HMX1: variants seen among roughly 807,000 people sequenced by gnomAD.
HMX1 encodes the protein homeobox protein HMX1.
HMX1 carries 8 observed loss-of-function variants against 8.9 expected under a neutral mutation model. The ratio of observed to expected loss-of-function variants is 0.90; its 90% CI spans 0.53 to 1.63. The LOEUF (loss-of-function observed/expected upper bound fraction) is 1.63. Ranked by LOEUF, HMX1 falls within the 40% of genes most tolerant of loss-of-function variation. The pLI is 0.00. For synonymous variants in HMX1, 311 were observed against 283.4 expected (o/e 1.10, Z -0.98); for missense variants, 621 against 558.5 (o/e 1.11, Z -1.13).
At chr4:8,857,519 G>C (rs999547055) in intron 1 of HMX1, among the ~76,000 whole-genome samples, 16 of 152,162 alleles carry the variant, frequency 1.1e-4, no homozygotes, top group Admixed American at 3.9e-4. Context: ...TTCCGGCCCA[G>C]CTTCTCTCGG....
In HMX1 at chr4:8,871,745, G is replaced by C. The variant is rs906219029; in HGVS notation, c.-131C>G. 4 of 1,007,634 alleles carry C rather than the reference G, an allele frequency of 4.0e-6. No individual in the cohort carries two copies. The highest frequency in any genetic ancestry group is 9.4e-5 in the East Asian group (1 of 10,636). The allele number at this position is 1,007,634 out of a possible 1,614,324, so 62.4% of individuals were successfully genotyped here. A position where few individuals can be genotyped will look rare whatever the true frequency, so the allele number is the denominator to read the frequency against. On this transcript the variant is annotated 5_prime_UTR_variant, in exon 1 of 2. Coordinates refer to ENST00000400677, the MANE Select transcript of HMX1 (RefSeq NM_018942.3). The surrounding 1 kb of genome is among the most constrained non-coding windows in gnomAD (Gnocchi z 4.8). ...CGGACCGCTGGCGTCGGGCCCCGCA[G>C]GGCAGGCGGCGGCCTCCGCGCCGGG...
At position 8,853,801 on chromosome 4, in the gene HMX1, C is replaced by T. The variant is rs890728477; in HGVS notation, c.395-7477G>A. Among the ~76,000 whole-genome samples, 11 of 151,392 alleles carry T rather than the reference C, an allele frequency of 7.3e-5. No homozygotes were observed. The highest frequency in any genetic ancestry group is 4.2e-4 in the South Asian group (2 of 4,760). On this transcript the variant is annotated intron_variant, in intron 1 of 1. Transcript: ENST00000506970. This position sits in a 1 kb window ranked among gnomAD's most constrained non-coding sequence, Gnocchi z 4.7. The stretch of plus-strand genomic sequence containing the variant: ...CCGGGAGGTGGAGGTTGCAGTGAGC[C>T]GAGATCACACCACTGCACTCCAGCC...
Position 8,859,198 on chromosome 4 carries a change from C to T in HMX1, c.394+12023G>A, listed in dbSNP as rs535659532. On this transcript the variant is annotated intron_variant, in intron 1 of 1. Coordinates refer to the HMX1 transcript ENST00000506970. ...GCTCGCTCCAAGGCTGGCCCCCCCCCACGCCTCTTGACAGTGCCACCCCCA... is the reference window on the plus strand; with the variant it reads ...GCTCGCTCCAAGGCTGGCCCCCCCCTACGCCTCTTGACAGTGCCACCCCCA... 16 of 152,258 alleles carry T rather than the reference C, an allele frequency of 1.1e-4. No individual in the cohort carries two copies. The East Asian group carries it at 2.9e-3, about 28-fold the overall frequency. 9.4% of individuals were successfully genotyped at this position (152,258 alleles called of 1,614,324 possible).
downstream of HMX1, chr4:8,866,939 C>A (rs1722017274): frequency 7.7e-6 from 3 of 387,172 alleles, no homozygotes; most frequent in African/African-American, 6.5e-5. Context: ...CTGGCCCAGC[C>A]CTGGGCTCCA....
intron 1 of HMX1, among the ~76,000 whole-genome samples, chr4:8,856,042 T>C (rs184921689): frequency 1.2e-3 from 180 of 152,250 alleles, no homozygotes; most frequent in African/African-American, 4.2e-3. Context: ...AAAAGGCCAC[T>C]AGTATAGAAC....
chr4:8,861,181 C>T (rs1206967569), intron 1 of HMX1, among the ~76,000 whole-genome samples: 1 of 152,182 alleles, frequency 6.6e-6, no homozygotes, highest in Non-Finnish European at 1.5e-5. Context: ...CGCTGCCCTC[C>T]TCTACCTGCT....
Position 8,867,405 on chromosome 4 carries a change from C to CCAGCCG in HMX1, c.*287_*288insCGGCTG, listed in dbSNP as rs1553817255. 1.3e-5 allele frequency: 14 copies of CCAGCCG among 1,076,364 alleles called. No homozygotes were observed. In the African/African-American group the frequency reaches 2.3e-4, roughly 18 times the overall value. The allele number at this position is 1,076,364 out of a possible 1,614,324, so 66.7% of individuals were successfully genotyped here. ...ATGGCCGACCGCTCCTCGCTGAGGCCGGGGGGTGGCCGTGGCGCCGGGGGC... is the reference window on the plus strand; with the variant it reads ...ATGGCCGACCGCTCCTCGCTGAGGCCCAGCCGGGGGGGTGGCCGTGGCGCCGGGGGC... On this transcript the variant is annotated 3_prime_UTR_variant, in exon 2 of 2. Transcript: ENST00000400677.
At chr4:8,851,166 C>T (rs1721437838) in intron 1 of HMX1, among the ~76,000 whole-genome samples, 1 of 152,242 alleles carries the variant, frequency 6.6e-6, no homozygotes, top group African/African-American at 2.4e-5. Context: ...CTGACTCAAG[C>T]CTGAGGGCCC....
exon 2 of HMX1, chr4:8,846,291 C>A: frequency 6.5e-7 from 1 of 1,535,374 alleles, no homozygotes; most frequent in Non-Finnish European, 8.7e-7. Flanking sequence ...CCCCTCTCCA[C>A]ACTGCACAGG....
downstream of HMX1, among the ~76,000 whole-genome samples, chr4:8,863,880 C>G (rs557031637): frequency 6.6e-6 from 1 of 152,362 alleles, no homozygotes; most frequent in South Asian, 2.1e-4. Context: ...TAGTCATTTC[C>G]CGAGGACAGG....
chr4:8,868,460 T>TCCAGCACAGGGCTGGGCAC lies in HMX1; in HGVS notation c.395-134_395-116dup. The TCCAGCACAGGGCTGGGCAC allele has an allele frequency of 2.4e-6, 2 of 826,554 alleles. No homozygotes were observed. The highest frequency in any genetic ancestry group is 3.7e-4 in the Middle Eastern group (1 of 2,726). 51.2% of individuals were successfully genotyped at this position (826,554 alleles called of 1,614,324 possible). A position where few individuals can be genotyped will look rare whatever the true frequency, so the allele number is the denominator to read the frequency against. On this transcript the variant is annotated intron_variant, in intron 1 of 1. Coordinates refer to ENST00000400677, the MANE Select transcript of HMX1 (RefSeq NM_018942.3). The surrounding 1 kb of genome is among the most constrained non-coding windows in gnomAD (Gnocchi z 4.6). ...CTCACAGCCACAAGCAGGAAGACCT[T>TCCAGCACAGGGCTGGGCAC]CCAGCACAGGGCTGGGCACCCAGCA...
chr4:8,859,291 C>T (rs1169545984), intron 1 of HMX1, among the ~76,000 whole-genome samples: 1 of 151,652 alleles, frequency 6.6e-6, no homozygotes, highest in Non-Finnish European at 1.5e-5. Flanking sequence ...TCATCGCAAA[C>T]TCATAATGTC....
exon 2 of HMX1, chr4:8,846,298 C>T: frequency 1.3e-6 from 2 of 1,535,262 alleles, no homozygotes; most frequent in Non-Finnish European, 1.7e-6. Context: ...CCACACTGCA[C>T]AGGCTGAGGT....
intron 1 of HMX1, chr4:8,846,389 C>T: frequency 7.8e-7 from 1 of 1,274,082 alleles, no homozygotes; most frequent in Non-Finnish European, 1.1e-6. Flanking sequence ...TCAGCTAATC[C>T]TGGATGCTCC....
chr4:8,851,710 C>T (rs1721453722), intron 1 of HMX1, among the ~76,000 whole-genome samples: 1 of 152,242 alleles, frequency 6.6e-6, no homozygotes, highest in South Asian at 2.1e-4. Context: ...GTCACTGGGC[C>T]TCTCGGGGCC....
chr4:8,863,611 G>A (rs1173476383), downstream of HMX1, among the ~76,000 whole-genome samples: 1 of 151,684 alleles, frequency 6.6e-6, no homozygotes, highest in African/African-American at 2.4e-5. Flanking sequence ...GGAGTGCAAA[G>A]GCCAAGCTGG....
downstream of HMX1, among the ~76,000 whole-genome samples, chr4:8,862,390 T>G (rs1366408905): frequency 6.6e-6 from 1 of 152,204 alleles, no homozygotes; most frequent in African/African-American, 2.4e-5. Context: ...CATTTTATTA[T>G]GGAAGTTTTC....
chr4:8,846,755 G>A (rs1367305184), intron 1 of HMX1, among the ~76,000 whole-genome samples: 5 of 151,686 alleles, frequency 3.3e-5, no homozygotes, highest in African/African-American at 1.2e-4. Context: ...TACTGGGCTT[G>A]TGAACGCCCC....
chr4:8,865,586 A>G (rs1282432657), downstream of HMX1, among the ~76,000 whole-genome samples: 1 of 152,038 alleles, frequency 6.6e-6, no homozygotes, highest in East Asian at 1.9e-4. Context: ...CAAAAGCGAC[A>G]GAAGCCCAGA....
Sources: allele counts gnomAD v4.1 joint callset (sites outside exome capture counted in the v4.1 genomes callset), GRCh38; gene constraint gnomAD v4.1.1; non-coding constraint Gnocchi (gnomAD v3.1); transcripts MANE v1.5; gene names NCBI Gene and HGNC (gene_info 2026-07-23, HGNC 2026-07-21).